ADCY9: variants seen among roughly 807,000 people sequenced by gnomAD.
ADCY9 encodes adenylate cyclase 9.
A neutral mutation model predicts 101.5 loss-of-function variants in ADCY9; 50 were observed. That is an observed-to-expected ratio of 0.49 (90% CI 0.39 to 0.62). The LOEUF (loss-of-function observed/expected upper bound fraction) is 0.62. Among genes scored for constraint, ADCY9 ranks in the 20% least tolerant of loss-of-function variants. ADCY9 has a pLI of 0.00. For synonymous variants in ADCY9, 905 were observed against 769.3 expected, an observed-to-expected ratio of 1.18 and a Z score of -2.92; for missense variants, 1,662 against 1,800.4, an observed-to-expected ratio of 0.92 and a Z score of 1.39.
At chr16:4,046,191 C>G (rs1346795827) in intron 2 of ADCY9, among the ~76,000 whole-genome samples, 1 of 152,096 alleles carries the variant, frequency 6.6e-6, no homozygotes, top group African/African-American at 2.4e-5. Context: ...TGAGCTGAGC[C>G]TTAAGTATCT....
chr16:3,969,043 C>T (rs2056023962), intron 10 of ADCY9, among the ~76,000 whole-genome samples: 1 of 152,078 alleles, frequency 6.6e-6, no homozygotes, highest in Non-Finnish European at 1.5e-5. Flanking sequence ...ACAGGTTGGT[C>T]TCAAACTCGT....
rs1157927478 is a variant in ADCY9, at chr16:4,024,456, C to A, written c.1694-16898G>T. ...TCTTATTGTACGACGTCAAGCACAG[C>A]TTGATAATCAAGAACAGGAAATTAA... On this transcript the variant is annotated intron_variant, in intron 2 of 10. Transcript: ENST00000294016. Among the ~76,000 whole-genome samples the A allele has an allele frequency of 3.9e-5, 6 of 152,232 alleles. No individual in the cohort carries two copies. In the South Asian group the frequency reaches 8.3e-4, roughly 21 times the overall value.
chr16:4,007,646 C>G, intron 2 of ADCY9, 88 bp from the exon 3 acceptor site: 1 of 1,151,856 alleles, frequency 8.7e-7, no homozygotes, highest in Non-Finnish European at 1.2e-6. Context: ...AGAGGACTCA[C>G]TCCTGGAAAG....
intron 8 of ADCY9, among the ~76,000 whole-genome samples, chr16:3,977,854 T>C (rs935215569): frequency 6.6e-6 from 1 of 152,132 alleles, no homozygotes; most frequent in Admixed American, 6.5e-5. Context: ...GTAGCTGGGA[T>C]GACAGGCTCC....
intron 9 of ADCY9, 75 bp from the exon 10 acceptor site, chr16:3,974,785 T>A: frequency 8.2e-7 from 1 of 1,214,650 alleles, no homozygotes. Flanking sequence ...GAGAAGAGCT[T>A]GAACAAACTA....
intron 2 of ADCY9, among the ~76,000 whole-genome samples, chr16:4,010,355 A>G (rs572223701): frequency 7.4e-4 from 113 of 152,346 alleles, no homozygotes; most frequent in African/African-American, 2.5e-3. Context: ...CTGGAGCACG[A>G]CGGGACAGCC....
chr16:3,959,699 C>T (rs564885086), downstream of ADCY9, among the ~76,000 whole-genome samples: 3 of 152,272 alleles, frequency 2.0e-5, no homozygotes, highest in East Asian at 3.9e-4. Context: ...ATAACTCACA[C>T]ATTAAATTCT....
At chr16:4,037,343 T>A (rs1268311403) in intron 2 of ADCY9, among the ~76,000 whole-genome samples, 2 of 152,018 alleles carry the variant, frequency 1.3e-5, no homozygotes, top group African/African-American at 2.4e-5. Context: ...AAAATAATCA[T>A]AATAATAATG....
chr16:4,098,443 AG>A (rs1180413460), intron 2 of ADCY9, among the ~76,000 whole-genome samples: 1 of 151,994 alleles, frequency 6.6e-6, no homozygotes, highest in East Asian at 1.9e-4. Flanking sequence ...CATGTTGGCC[AG>A]GTTGGTCTCA....
rs1191741349 is a variant in ADCY9, at chr16:4,114,914, G to A, written c.529C>T (p.Leu177=). The change falls in exon 2 of 11, where the codon CTG becomes TTG. Residue 177 remains leucine, a synonymous_variant. Transcript: ENST00000294016. This position sits in a 1 kb window ranked among gnomAD's most constrained non-coding sequence, Gnocchi z 4.3. The stretch of plus-strand genomic sequence containing the variant: ...GCGAACACCAGCAGGGTGAGAGCCA[G>A]CGAGGTCCACGCGTAATGCCGGGCG... The part of the protein sequence containing the change: ...LYARHYAWTS[L]ALTLLVFALT... 2 of 1,613,920 alleles carry A rather than the reference G, an allele frequency of 1.2e-6. No homozygotes were observed. The highest frequency in any genetic ancestry group is 1.1e-5 in the South Asian group (1 of 91,090).
chr16:4,000,218 G>A (rs76283238), intron 3 of ADCY9, among the ~76,000 whole-genome samples: 3,083 of 152,304 alleles, frequency 0.02, 36 homozygotes, highest in Non-Finnish European at 0.03. Flanking sequence ...CTTAACCCTC[G>A]TAAGCAACCA....
chr16:4,027,782 C>T (rs1394722321), intron 2 of ADCY9, among the ~76,000 whole-genome samples: 1 of 151,178 alleles, frequency 6.6e-6, no homozygotes, highest in African/African-American at 2.4e-5. Context: ...GAGGCTGAGG[C>T]AGGAGAATCG....
At chr16:4,108,907 C>A (rs144254323) in intron 2 of ADCY9, among the ~76,000 whole-genome samples, 1 of 150,938 alleles carries the variant, frequency 6.6e-6, no homozygotes, top group Admixed American at 6.6e-5. Flanking sequence ...GGTTTCACCA[C>A]GTTGGCCAGG....
intron 3 of ADCY9, among the ~76,000 whole-genome samples, chr16:3,994,917 C>T (rs2056275228): frequency 2.0e-5 from 3 of 152,132 alleles, no homozygotes; most frequent in African/African-American, 2.4e-5. Context: ...CAAAGGTACA[C>T]GATTTCCAGA....
At chr16:4,015,632 G>T (rs2056433758) in intron 2 of ADCY9, 1 of 152,202 alleles carries the variant, frequency 6.6e-6, no homozygotes. Flanking sequence ...CCACCTAGGT[G>T]ACTTTCACTC....
At chr16:4,079,881 ATC>A (rs1002254869) in intron 2 of ADCY9, among the ~76,000 whole-genome samples, 21 of 152,056 alleles carry the variant, frequency 1.4e-4, no homozygotes, top group African/African-American at 5.1e-4. Context: ...CTTTTTGCTT[ATC>A]TGTCTTTTCT....
chr16:4,019,387 C>T (rs2056459926), intron 2 of ADCY9, among the ~76,000 whole-genome samples: 1 of 152,204 alleles, frequency 6.6e-6, no homozygotes, highest in African/African-American at 2.4e-5. Context: ...TTTGTTCTCC[C>T]ACTGCACACC....
At chr16:4,042,775 T>C (rs1391688246) in intron 2 of ADCY9, among the ~76,000 whole-genome samples, 1 of 152,262 alleles carries the variant, frequency 6.6e-6, no homozygotes, top group African/African-American at 2.4e-5. Context: ...AAGAGGTTTT[T>C]ATTTACAGTG....
intron 2 of ADCY9, among the ~76,000 whole-genome samples, chr16:4,106,147 G>A (rs1293805987): frequency 6.6e-6 from 1 of 152,208 alleles, no homozygotes; most frequent in Non-Finnish European, 1.5e-5. Context: ...GCAAAGGCTG[G>A]GGAAAATGAG....
Sources: allele counts gnomAD v4.1 joint callset (sites outside exome capture counted in the v4.1 genomes callset), GRCh38; gene constraint gnomAD v4.1.1; non-coding constraint Gnocchi (gnomAD v3.1); transcripts MANE v1.5; gene names NCBI Gene and HGNC (gene_info 2026-07-23, HGNC 2026-07-21).